AGPAT4: variants seen among roughly 807,000 people sequenced by gnomAD.
The protein encoded by AGPAT4 is 1-acylglycerol-3-phosphate O-acyltransferase 4.
A neutral mutation model predicts 48.0 loss-of-function variants in AGPAT4; 15 were observed. The observed-to-expected ratio is 0.31, with a 90% CI of 0.21 to 0.48. The LOEUF is 0.48. Ranked by LOEUF, AGPAT4 falls within the 20% of genes least tolerant of loss-of-function variation. The pLI is 0.99. For missense variants in AGPAT4, 314 were observed against 482.5 expected, an observed-to-expected ratio of 0.65 and a Z score of 3.27; for synonymous variants, 178 against 198.7, an observed-to-expected ratio of 0.90 and a Z score of 0.88.
chr6:161,232,309 C>T lies in AGPAT4; in HGVS notation c.-89-7G>A. On this transcript the variant is annotated splice_region_variant and splice_polypyrimidine_tract_variant and intron_variant, in intron 1 of 8. Transcript: ENST00000320285. The surrounding 1 kb of genome is among the most constrained non-coding windows in gnomAD (Gnocchi z 6.8). ...CCAGGACTCAGGAAGGCGTCTAAAA[C>T]ACAAACAAATAGGAAATGTTAGCAA... is the stretch of plus-strand genomic sequence containing the variant. The T allele has an allele frequency of 8.1e-7, 1 of 1,231,670 alleles. No homozygotes were observed. The highest frequency in any genetic ancestry group is 1.5e-5 in the African/African-American group (1 of 65,972). 76.3% of individuals were successfully genotyped at this position (1,231,670 alleles called of 1,614,324 possible).
chr6:161,172,644 A>T (rs1159553348), intron 2 of AGPAT4, among the ~76,000 whole-genome samples: 1 of 152,052 alleles, frequency 6.6e-6, no homozygotes, highest in Non-Finnish European at 1.5e-5. Flanking sequence ...TTTATTTTTT[A>T]TTTATTATTA....
Position 161,130,760 on chromosome 6 carries a change from C to T in AGPAT4, c.*5780G>A, listed in dbSNP as rs1187152749. ...AGCTCCAGTTGTAGCCTTGGCACAGCTGAGGCCATGCCATTGCTACCCGGA... is the reference window on the plus strand; with the variant it reads ...AGCTCCAGTTGTAGCCTTGGCACAGTTGAGGCCATGCCATTGCTACCCGGA... On this transcript the variant is annotated 3_prime_UTR_variant, in exon 9 of 9. Transcript: ENST00000320285. The T allele has an allele frequency of 2.0e-6, 1 of 489,716 alleles. No individual in the cohort carries two copies. Among genetic ancestry groups the T allele is most frequent in the Non-Finnish European group, 4.1e-6 (1 of 241,408 alleles). 30.3% of individuals were successfully genotyped at this position (489,716 alleles called of 1,614,324 possible). A position where few individuals can be genotyped will look rare whatever the true frequency, so the allele number is the denominator to read the frequency against.
rs1782612232 is a variant in AGPAT4 at position 161,245,077 on chromosome 6, G to C, written c.-89-12775C>G. On this transcript the variant is annotated intron_variant, in intron 1 of 8. Coordinates refer to ENST00000320285, the MANE Select transcript of AGPAT4 (RefSeq NM_020133.3). This position sits in a 1 kb window ranked among gnomAD's most constrained non-coding sequence, Gnocchi z 5.2. Reference sequence around the variant, plus strand: ...CCAACTGGCAACTTATTTTGCAGTGGCCTATGCCAACCAGGGTAGAAACCT... The same window carrying C: ...CCAACTGGCAACTTATTTTGCAGTGCCCTATGCCAACCAGGGTAGAAACCT... 6.6e-6 allele frequency among the ~76,000 whole-genome samples: 1 copy of C among 152,258 alleles called. No homozygotes were observed. The highest frequency in any genetic ancestry group is 2.4e-5 in the African/African-American group (1 of 41,468).
At chr6:161,224,988 C>T (rs1038380019) in intron 2 of AGPAT4, among the ~76,000 whole-genome samples, 22 of 152,146 alleles carry the variant, frequency 1.4e-4, no homozygotes, top group African/African-American at 5.1e-4. Flanking sequence ...ATTACCTGCT[C>T]CACCCTGACT....
intron 4 of AGPAT4, 87 bp from the exon 5 acceptor site, chr6:161,153,586 C>G (rs1779656403): frequency 6.7e-7 from 1 of 1,500,724 alleles, no homozygotes; most frequent in Admixed American, 1.9e-5. Context: ...CACACACAGC[C>G]CCAGGGTCAC....
chr6:161,269,463 A>G (rs913044379), intron 1 of AGPAT4, among the ~76,000 whole-genome samples: 2 of 152,228 alleles, frequency 1.3e-5, no homozygotes, highest in Admixed American at 6.5e-5. Flanking sequence ...TCATTGGCCA[A>G]TAAATGCTTC....
At position 161,200,294 on chromosome 6, in the gene AGPAT4, C is replaced by T. The variant is rs142889818; in HGVS notation, c.178+31742G>A. Among the ~76,000 whole-genome samples the T allele has an allele frequency of 2.6e-4, 40 of 152,294 alleles. No individual in the cohort carries two copies. In the East Asian group the frequency reaches 6.7e-3, roughly 26 times the overall value. ...ATTGATTACTCATGTAGAAAGCATTCGATAAGTGTTAACTAATATTTCACA... is the reference window on the plus strand; with the variant it reads ...ATTGATTACTCATGTAGAAAGCATTTGATAAGTGTTAACTAATATTTCACA... On this transcript the variant is annotated intron_variant, in intron 2 of 8. Transcript: ENST00000320285. This position sits in a 1 kb window ranked among gnomAD's most constrained non-coding sequence, Gnocchi z 5.5.
rs934718732 is a variant in AGPAT4, at chr6:161,139,293, G to A, written c.1042+129C>T. 1.2e-5 allele frequency: 13 copies of A among 1,060,750 alleles called. No individual in the cohort carries two copies. Among genetic ancestry groups the A allele is most frequent in the Non-Finnish European group, 1.5e-5 (11 of 726,178 alleles). The allele number at this position is 1,060,750 out of a possible 1,614,324, so 65.7% of individuals were successfully genotyped here. On this transcript the variant is annotated intron_variant, in intron 8 of 8. Coordinates refer to ENST00000320285, the MANE Select transcript of AGPAT4 (RefSeq NM_020133.3). The surrounding 1 kb of genome is among the most constrained non-coding windows in gnomAD (Gnocchi z 9.1). ...ATCCTGAAGTCTAATCTTTCCCTGTGATTGCAAGCTGAGCCTGCTCCTCAT... is the reference window on the plus strand; with the variant it reads ...ATCCTGAAGTCTAATCTTTCCCTGTAATTGCAAGCTGAGCCTGCTCCTCAT...
rs1179906130 is a variant in AGPAT4 at position 161,255,006 on chromosome 6, G to A, written c.-90+18932C>T. ...CCCGGCAAGCTGTTCTTATCGTTCC[G>A]AGGCCATTGCAGAGCCAGATACGGT... is the stretch of plus-strand genomic sequence containing the variant. On this transcript the variant is annotated intron_variant, in intron 1 of 8. Transcript: ENST00000320285. The surrounding 1 kb of genome is among the most constrained non-coding windows in gnomAD (Gnocchi z 4.7). 1.3e-5 allele frequency among the ~76,000 whole-genome samples: 2 copies of A among 152,074 alleles called. No individual in the cohort carries two copies. The highest frequency in any genetic ancestry group is 2.1e-4 in the South Asian group (1 of 4,816).
chr6:161,206,143 C>G lies in AGPAT4; in HGVS notation c.178+25893G>C, dbSNP rs1171722715. Among the ~76,000 whole-genome samples, 1 of 152,082 alleles carries G rather than the reference C, an allele frequency of 6.6e-6. No homozygotes were observed. On this transcript the variant is annotated intron_variant, in intron 2 of 8. Coordinates refer to ENST00000320285, the MANE Select transcript of AGPAT4 (RefSeq NM_020133.3). The surrounding 1 kb of genome is among the most constrained non-coding windows in gnomAD (Gnocchi z 4.8). The stretch of plus-strand genomic sequence containing the variant: ...CAGGGAAGTGGCAGCCTAGCAAGAC[C>G]GAAAACCTCTAGACAGTAACTGCCC...
At position 161,138,523 on chromosome 6, in the gene AGPAT4, A is replaced by G. The variant is rs564067168; in HGVS notation, c.1042+899T>C. 8.5e-5 allele frequency among the ~76,000 whole-genome samples: 13 copies of G among 152,218 alleles called. No homozygotes were observed. In the South Asian group the frequency reaches 2.7e-3, roughly 32 times the overall value. On this transcript the variant is annotated intron_variant, in intron 8 of 8. Coordinates refer to ENST00000320285, the MANE Select transcript of AGPAT4 (RefSeq NM_020133.3). This position sits in a 1 kb window ranked among gnomAD's most constrained non-coding sequence, Gnocchi z 4.8. ...CACGTGCATCAAATTGTCATTAACG[A>G]TTATCTGGGAAGTGGGCTCAATGGG...
Position 161,226,095 on chromosome 6 carries a change from C to T in AGPAT4, c.178+5941G>A, listed in dbSNP as rs900809623. On this transcript the variant is annotated intron_variant, in intron 2 of 8. Transcript: ENST00000320285. This position sits in a 1 kb window ranked among gnomAD's most constrained non-coding sequence, Gnocchi z 6.3. ...AACTGATAAGGATGACTCTTTGGAC[C>T]TTCAAAGAGGGGACCCAAATTTGAG... Among the ~76,000 whole-genome samples the T allele has an allele frequency of 6.6e-6, 1 of 152,108 alleles. No homozygotes were observed.
chr6:161,180,255 C>T lies in AGPAT4; in HGVS notation c.179-13838G>A, dbSNP rs1250963168. Among the ~76,000 whole-genome samples, 4 of 152,190 alleles carry T rather than the reference C, an allele frequency of 2.6e-5. No individual in the cohort carries two copies. Among genetic ancestry groups the T allele is most frequent in the East Asian group, 3.9e-4 (2 of 5,182 alleles). ...TTCCCCAAGGCTCCTGCTCCTTCCT[C>T]GCTCCAGTGGGTGGGCCCAGCTCCT... On this transcript the variant is annotated intron_variant, in intron 2 of 8. Coordinates refer to ENST00000320285, the MANE Select transcript of AGPAT4 (RefSeq NM_020133.3). The surrounding 1 kb of genome is among the most constrained non-coding windows in gnomAD (Gnocchi z 6.4).
chr6:161,236,069 C>A lies in AGPAT4; in HGVS notation c.-89-3767G>T, dbSNP rs183809854. Among the ~76,000 whole-genome samples the A allele has an allele frequency of 9.8e-5, 15 of 152,328 alleles. No homozygotes were observed. Among genetic ancestry groups the A allele is most frequent in the Middle Eastern group, 6.8e-3 (2 of 294 alleles). Reference sequence around the variant, plus strand: ...GCTGGAGAGAAACATTTTAAAAATACTTTGCCTAGTTCCCTTTTAGCTTTG... The same window carrying A: ...GCTGGAGAGAAACATTTTAAAAATAATTTGCCTAGTTCCCTTTTAGCTTTG... On this transcript the variant is annotated intron_variant, in intron 1 of 8. Transcript: ENST00000320285. This position sits in a 1 kb window ranked among gnomAD's most constrained non-coding sequence, Gnocchi z 5.0.
Position 161,161,799 on chromosome 6 carries a change from A to G in AGPAT4, c.348+4449T>C. 3.4e-6 allele frequency: 1 copy of G among 297,432 alleles called. No homozygotes were observed. 18.4% of individuals were successfully genotyped at this position (297,432 alleles called of 1,614,324 possible). On this transcript the variant is annotated intron_variant, in intron 3 of 8. Transcript: ENST00000320285. The surrounding 1 kb of genome is among the most constrained non-coding windows in gnomAD (Gnocchi z 4.6). Reference sequence around the variant, plus strand: ...CTCACTGGACACGTATTTTGAAGGTATATCAATTGCTATCGTTGTCATGAT... The same window carrying G: ...CTCACTGGACACGTATTTTGAAGGTGTATCAATTGCTATCGTTGTCATGAT...
At position 161,208,488 on chromosome 6, in the gene AGPAT4, T is replaced by TG. The variant is rs1781438809; in HGVS notation, c.178+23547_178+23548insC. On this transcript the variant is annotated intron_variant, in intron 2 of 8. Coordinates refer to ENST00000320285, the MANE Select transcript of AGPAT4 (RefSeq NM_020133.3). The surrounding 1 kb of genome is among the most constrained non-coding windows in gnomAD (Gnocchi z 4.6). Reference sequence around the variant, plus strand: ...ATCTGCAGGTTTAAGCATTTTTTTTTTCCATAATGTTCACAAAGTTTAAGA... The same window carrying TG: ...ATCTGCAGGTTTAAGCATTTTTTTTTGTCCATAATGTTCACAAAGTTTAAGA... 6.6e-6 allele frequency among the ~76,000 whole-genome samples: 1 copy of TG among 151,878 alleles called. No homozygotes were observed.
rs1412362957 is a variant in AGPAT4 at position 161,264,757 on chromosome 6, AC to A, written c.-90+9180del. Among the ~76,000 whole-genome samples the A allele has an allele frequency of 1.3e-5, 2 of 151,940 alleles. No homozygotes were observed. Among genetic ancestry groups the A allele is most frequent in the African/African-American group, 4.8e-5 (2 of 41,350 alleles). ...GTTGGGTGGGGAGTTGGAATAACTG[AC>A]CCCACTTCTGTTGACCTTTGAGAGC... On this transcript the variant is annotated intron_variant, in intron 1 of 8. Transcript: ENST00000320285. The surrounding 1 kb of genome is among the most constrained non-coding windows in gnomAD (Gnocchi z 6.8).
chr6:161,231,920 A>G lies in AGPAT4; in HGVS notation c.178+116T>C, dbSNP rs1782133504. 1 of 1,089,812 alleles carries G rather than the reference A, an allele frequency of 9.2e-7. No individual in the cohort carries two copies. The highest frequency in any genetic ancestry group is 2.6e-5 in the East Asian group (1 of 38,568). The allele number at this position is 1,089,812 out of a possible 1,614,324, so 67.5% of individuals were successfully genotyped here. ...GCCATTTCAAACCTAAAACAAAAAC[A>G]AAACAAAAAAACAGCTCGGCACACA... is the stretch of plus-strand genomic sequence containing the variant. On this transcript the variant is annotated intron_variant, in intron 2 of 8. Coordinates refer to ENST00000320285, the MANE Select transcript of AGPAT4 (RefSeq NM_020133.3). This position sits in a 1 kb window ranked among gnomAD's most constrained non-coding sequence, Gnocchi z 5.3.
rs950606285 is a variant in AGPAT4, at chr6:161,225,761, A to G, written c.178+6275T>C. ...GAAGTAAAAGGTACCCGCAGGTGAC[A>G]GAGGAAAAAGAGGAAAAGGTTGTCC... On this transcript the variant is annotated intron_variant, in intron 2 of 8. Transcript: ENST00000320285. The surrounding 1 kb of genome is among the most constrained non-coding windows in gnomAD (Gnocchi z 5.0). Among the ~76,000 whole-genome samples, 7 of 152,208 alleles carry G rather than the reference A, an allele frequency of 4.6e-5. No homozygotes were observed. Among genetic ancestry groups the G allele is most frequent in the Non-Finnish European group, 8.8e-5 (6 of 68,044 alleles).
Sources: gnomAD v4.1 joint callset for allele counts (sites outside exome capture counted in the v4.1 genomes callset) on GRCh38, gnomAD v4.1.1 for gene constraint, Gnocchi (gnomAD v3.1) non-coding constraint, MANE v1.5 for transcripts, NCBI Gene and HGNC (gene_info 2026-07-23, HGNC 2026-07-21) for gene names.